CSMD3: variants seen among roughly 807,000 people sequenced by gnomAD.
The protein encoded by CSMD3 is CUB and Sushi multiple domains 3, also known as CUB and sushi domain-containing protein 3.
In CSMD3, 177 loss-of-function variants were observed where a neutral mutation model predicts 435.2. The ratio of observed to expected loss-of-function variants is 0.41; its 90% CI spans 0.36 to 0.46. The LOEUF is 0.46. Ranked by LOEUF, CSMD3 falls within the 20% of genes least tolerant of loss-of-function variation. The probability of loss-of-function intolerance (pLI) is 0.34; values close to 1 mark genes in which losing one functional copy is unlikely to be tolerated. For missense variants in CSMD3, 4,265 were observed against 4,504.6 expected, an observed-to-expected ratio of 0.95 and a Z score of 1.52; for synonymous variants, 1,656 against 1,520.5, an observed-to-expected ratio of 1.09 and a Z score of -2.07.
At chr8:112,370,739 T>C (rs933316403) in intron 38 of CSMD3, among the ~76,000 whole-genome samples, 2 of 152,052 alleles carry the variant, frequency 1.3e-5, no homozygotes, top group Non-Finnish European at 2.9e-5. Context: ...TATTTTTTTC[T>C]ATGACACATC....
At chr8:112,778,647 T>C (rs2078304455) in intron 13 of CSMD3, among the ~76,000 whole-genome samples, 1 of 151,950 alleles carries the variant, frequency 6.6e-6, no homozygotes, top group Non-Finnish European at 1.5e-5. Context: ...AAACCTCCAT[T>C]TGCAGGTATT....
intron 25 of CSMD3, among the ~76,000 whole-genome samples, chr8:112,554,071 T>G (rs892198571): frequency 1.3e-5 from 2 of 151,976 alleles, no homozygotes; most frequent in African/African-American, 4.8e-5. Context: ...AACTCCTGCC[T>G]CAGTTTCTAA....
At chr8:112,493,940 A>T (rs1234471569) in intron 30 of CSMD3, among the ~76,000 whole-genome samples, 1 of 152,120 alleles carries the variant, frequency 6.6e-6, no homozygotes, top group Non-Finnish European at 1.5e-5. Flanking sequence ...GCTAATAAGA[A>T]ATCAGACAGT....
Position 112,900,654 on chromosome 8 carries a change from A to T in CSMD3, c.1633+20973T>A, listed in dbSNP as rs116286475. On this transcript the variant is annotated intron_variant, in intron 10 of 70. Coordinates refer to ENST00000297405, the MANE Select transcript of CSMD3 (RefSeq NM_198123.2). ...TAAATTGTTAACTTGCAAGTATGGT[A>T]AAATATCAGACACTTTATAGTCCAT... 5.3e-3 allele frequency among the ~76,000 whole-genome samples: 798 copies of T among 151,386 alleles called. 6 individuals are homozygous for T. Among genetic ancestry groups the T allele is most frequent in the African/African-American group, 0.018 (753 of 41,418 alleles).
intron 13 of CSMD3, among the ~76,000 whole-genome samples, chr8:112,746,815 G>T (rs570959072): frequency 6.6e-6 from 1 of 152,070 alleles, no homozygotes; most frequent in Non-Finnish European, 1.5e-5. Flanking sequence ...TCCTAGGAGT[G>T]GAAGGAGAGA....
chr8:112,805,328 G>C (rs2079059016), intron 12 of CSMD3, among the ~76,000 whole-genome samples: 1 of 152,106 alleles, frequency 6.6e-6, no homozygotes, highest in Admixed American at 6.6e-5. Flanking sequence ...ACTGAAACAA[G>C]TCAATTCATC....
At chr8:112,376,476 A>T (rs918777894) in intron 38 of CSMD3, among the ~76,000 whole-genome samples, 3 of 152,158 alleles carry the variant, frequency 2.0e-5, no homozygotes, top group African/African-American at 7.2e-5. Context: ...TTACTTGCAC[A>T]TGCTTATCAA....
chr8:112,378,987 T>G (rs1307311695), intron 38 of CSMD3, among the ~76,000 whole-genome samples: 1 of 151,810 alleles, frequency 6.6e-6, no homozygotes, highest in African/African-American at 2.4e-5. Flanking sequence ...TTAGAACTAA[T>G]AAATGAATCA....
chr8:112,649,694 G>A (rs778192961), intron 19 of CSMD3, among the ~76,000 whole-genome samples: 24 of 152,170 alleles, frequency 1.6e-4, no homozygotes, highest in Non-Finnish European at 2.9e-4. Flanking sequence ...CTAGGAACTT[G>A]ACACAACAGG....
intron 1 of CSMD3, among the ~76,000 whole-genome samples, chr8:113,318,865 C>T (rs2093929601): frequency 1.3e-5 from 2 of 149,758 alleles, no homozygotes; most frequent in African/African-American, 4.9e-5. Context: ...GGATCTATAT[C>T]CCCTTTTTAA....
At chr8:112,509,634 T>C (rs979637879) in intron 28 of CSMD3, among the ~76,000 whole-genome samples, 1 of 152,172 alleles carries the variant, frequency 6.6e-6, no homozygotes, top group Non-Finnish European at 1.5e-5. Context: ...TAGAAGCCAG[T>C]GTTTCTGGGG....
chr8:112,787,927 T>A (rs1374269422), intron 13 of CSMD3, among the ~76,000 whole-genome samples: 2 of 152,102 alleles, frequency 1.3e-5, no homozygotes, highest in South Asian at 2.1e-4. Flanking sequence ...ATGTACATTT[T>A]AAAATAATTA....
chr8:113,359,129 G>A (rs1022251985), intron 1 of CSMD3, among the ~76,000 whole-genome samples: 1 of 152,070 alleles, frequency 6.6e-6, no homozygotes, highest in African/African-American at 2.4e-5. Context: ...AATAATTTGG[G>A]ATTGCCTCTA....
At chr8:112,424,965 C>T (rs376898499) in intron 32 of CSMD3, among the ~76,000 whole-genome samples, 10 of 152,220 alleles carry the variant, frequency 6.6e-5, no homozygotes, top group African/African-American at 2.4e-4. Flanking sequence ...GCTGGGATTA[C>T]AGGCATGAGC....
At chr8:113,074,978 T>C (rs914600371) in intron 5 of CSMD3, among the ~76,000 whole-genome samples, 3 of 151,834 alleles carry the variant, frequency 2.0e-5, no homozygotes, top group East Asian at 3.9e-4. Context: ...GTAAAACTTA[T>C]TAATTATAAT....
intron 27 of CSMD3, among the ~76,000 whole-genome samples, chr8:112,540,479 C>A (rs907388342): frequency 6.6e-6 from 1 of 151,978 alleles, no homozygotes; most frequent in Non-Finnish European, 1.5e-5. Context: ...GATAGCTGCA[C>A]GTGCATGTTT....
chr8:113,157,107 T>C (rs528931674), intron 4 of CSMD3, among the ~76,000 whole-genome samples: 16 of 152,148 alleles, frequency 1.1e-4, no homozygotes, highest in African/African-American at 3.6e-4. Flanking sequence ...GCTGAACTGT[T>C]GGTAGGAATA....
chr8:112,314,324 T>G, intron 48 of CSMD3, 105 bp downstream of exon 48: 1 of 863,728 alleles, frequency 1.2e-6, no homozygotes, highest in East Asian at 2.5e-5. Flanking sequence ...AAAATATCTG[T>G]AAGATAAACT....
At chr8:112,879,072 A>T (rs898977274) in intron 10 of CSMD3, among the ~76,000 whole-genome samples, 1 of 152,096 alleles carries the variant, frequency 6.6e-6, no homozygotes, top group African/African-American at 2.4e-5. Flanking sequence ...AACAGGGGAG[A>T]TAACGATTAG....
Sources: gnomAD v4.1 joint callset for allele counts (sites outside exome capture counted in the v4.1 genomes callset) on GRCh38, gnomAD v4.1.1 for gene constraint, MANE v1.5 for transcripts, NCBI Gene and HGNC (gene_info 2026-07-23, HGNC 2026-07-21) for gene names.